MARF1: variants seen among roughly 807,000 people sequenced by gnomAD.
MARF1 encodes meiosis regulator and mRNA stability factor 1.
Under a neutral mutation model 168.2 loss-of-function variants are expected in MARF1, and 24 were observed. That is an observed-to-expected ratio of 0.14 (90% CI 0.10 to 0.20). The LOEUF (loss-of-function observed/expected upper bound fraction) is 0.20. Ranked by LOEUF, MARF1 falls within the 10% of genes least tolerant of loss-of-function variation. The pLI, the probability that MARF1 is intolerant of heterozygous loss-of-function variation, is 1.00. For missense variants in MARF1, 1,744 were observed against 2,143.6 expected (o/e 0.81, Z 3.68); for synonymous variants, 868 against 822.4 (o/e 1.06, Z -0.95).
Position 15,636,299 on chromosome 16 carries a change from T to C in MARF1, c.188A>G (p.Asp63Gly). 6.3e-7 allele frequency: 1 copy of C among 1,583,112 alleles called. No homozygotes were observed. Among genetic ancestry groups the C allele is most frequent in the Non-Finnish European group, 8.6e-7 (1 of 1,163,416 alleles). The change falls in exon 3 of 27, where the codon GAT becomes GGT. Residue 63 changes from aspartate (D) to glycine (G), a missense_variant. By Grantham distance (94) the Asp-to-Gly change is moderately conservative. Around this residue, in one of 7 missense-constraint regions of MARF1, gnomAD observed 318 missense variants for 336.6 expected, o/e 0.94. Coordinates refer to ENST00000396368, the MANE Select transcript of MARF1 (RefSeq NM_014647.4). ...GCCAGCATGAAGGGGTGATGGTACA[T>C]CCTTTAGTTCCACAGCAACTTTCTT... ...ENKKVAVELK[D>G]VPSPLHAGSK...
Position 15,596,885 on chromosome 16 carries a change from C to T in MARF1, c.5037G>A (p.Lys1679=), listed in dbSNP as rs1336380195. The part of the protein sequence containing the change: ...EEKMEIPIPG[K]SKTLTSDSSS... ...TGGAGTCAGAGGTCAGAGTTTTGCTCTTTCCTGGTATTGGAATCTCCATTT... is the reference window on the plus strand; with the variant it reads ...TGGAGTCAGAGGTCAGAGTTTTGCTTTTTCCTGGTATTGGAATCTCCATTT... Residue 1679 remains lysine, a synonymous_variant, in exon 27 of 27, where the codon AAG becomes AAA. Coordinates refer to ENST00000396368, the MANE Select transcript of MARF1 (RefSeq NM_014647.4). The T allele has an allele frequency of 6.2e-7, 1 of 1,613,480 alleles. No homozygotes were observed. The highest frequency in any genetic ancestry group is 1.7e-5 in the Admixed American group (1 of 59,966).
chr16:15,631,362 C>G lies in MARF1; in HGVS notation c.1351+19G>C, dbSNP rs1204832835. On this transcript the variant is annotated intron_variant, in intron 6 of 26. Transcript: ENST00000396368. ...ACACAGTGAGTTTAGCTGAAATTAG[C>G]AGATGTTTCTGTACTTACTTGACAC... is the stretch of plus-strand genomic sequence containing the variant. 1 of 1,512,564 alleles carries G rather than the reference C, an allele frequency of 6.6e-7. No homozygotes were observed. Among genetic ancestry groups the G allele is most frequent in the Non-Finnish European group, 9.2e-7 (1 of 1,089,814 alleles). 93.7% of individuals were successfully genotyped at this position (1,512,564 alleles called of 1,614,324 possible).
Position 15,635,929 on chromosome 16 carries a change from A to C in MARF1, c.558T>G (p.Ser186=). 1 of 1,614,168 alleles carries C rather than the reference A, an allele frequency of 6.2e-7. No individual in the cohort carries two copies. Among genetic ancestry groups the C allele is most frequent in the Non-Finnish European group, 8.5e-7 (1 of 1,180,036 alleles). ...FPSMCLESNL[S]SCKHLPCCGK... ...CACAACAGGGCAGGTGTTTGCAGGA[A>C]GACAGGTTACTCTCTAGACACATGC... The change falls in exon 3 of 27, where the codon TCT becomes TCG. Residue 186 remains serine, a synonymous_variant. Coordinates refer to ENST00000396368, the MANE Select transcript of MARF1 (RefSeq NM_014647.4).
chr16:15,627,903 AC>A (rs1217889435), intron 7 of MARF1, among the ~76,000 whole-genome samples: 3 of 152,176 alleles, frequency 2.0e-5, no homozygotes, highest in Non-Finnish European at 2.9e-5. Context: ...GTAAATTAGT[AC>A]CACCTTCCTG....
chr16:15,614,798 A>T (rs1271721704), intron 16 of MARF1, among the ~76,000 whole-genome samples: 1 of 152,012 alleles, frequency 6.6e-6, no homozygotes, highest in Non-Finnish European at 1.5e-5. Flanking sequence ...GTCTCAAAAA[A>T]AAAAAGACAG....
intron 11 of MARF1, among the ~76,000 whole-genome samples, chr16:15,622,575 A>T (rs1000078932): frequency 6.6e-6 from 1 of 152,020 alleles, no homozygotes; most frequent in Non-Finnish European, 1.5e-5. Flanking sequence ...TTTAGTAGAG[A>T]CGGGGTTTCA....
rs2031707499 is a variant in MARF1 at position 15,596,568 on chromosome 16, G to GT, written c.*124dup. 2 of 913,546 alleles carry GT rather than the reference G, an allele frequency of 2.2e-6. No homozygotes were observed. Among genetic ancestry groups the GT allele is most frequent in the East Asian group, 2.7e-5 (1 of 37,310 alleles). The allele number at this position is 913,546 out of a possible 1,614,324, so 56.6% of individuals were successfully genotyped here. ...AAAAGAAAAACATGATAGAACACAG[G>GT]TAAGATGAAGTCAATGGCTTCGGGG... On this transcript the variant is annotated 3_prime_UTR_variant, in exon 27 of 27. Transcript: ENST00000396368.
chr16:15,628,660 C>T (rs1419004317), intron 7 of MARF1, among the ~76,000 whole-genome samples: 1 of 152,122 alleles, frequency 6.6e-6, no homozygotes, highest in African/African-American at 2.4e-5. Flanking sequence ...TGGTGATCTG[C>T]CCACCTCAGC....
intron 13 of MARF1, among the ~76,000 whole-genome samples, chr16:15,618,840 A>G (rs906342384): frequency 1.3e-5 from 2 of 152,168 alleles, no homozygotes; most frequent in Non-Finnish European, 2.9e-5. Flanking sequence ...GTCCAAAACC[A>G]AGACCAAAAA....
chr16:15,637,916 C>T (rs1274167855), intron 2 of MARF1, among the ~76,000 whole-genome samples: 2 of 152,150 alleles, frequency 1.3e-5, no homozygotes, highest in African/African-American at 2.4e-5. Flanking sequence ...GCCTGTAATC[C>T]TAGCACTTGG....
chr16:15,622,782 A>G (rs2151196007), intron 11 of MARF1, 152 bp downstream of exon 11: 1 of 539,902 alleles, frequency 1.9e-6, no homozygotes, highest in South Asian at 3.7e-5. Context: ...TTATAGCACC[A>G]CCCTGAGCAG....
chr16:15,612,773 A>C lies in MARF1; in HGVS notation c.3258T>G (p.Pro1086=). Reference sequence around the variant, plus strand: ...CAGGACTCTTCGAACGCAGAAGCCAAGGGTCTAGAAGAAAAAGAACGTGTA... The same window carrying C: ...CAGGACTCTTCGAACGCAGAAGCCACGGGTCTAGAAGAAAAAGAACGTGTA... ...HNKPPPPNTD[P]WLLRSKSPVG... is the part of the protein sequence containing the mutation. Residue 1086 remains proline (P), a synonymous_variant, in exon 17 of 27, where the codon CCT becomes CCG. Transcript: ENST00000396368. 6.2e-7 allele frequency: 1 copy of C among 1,613,656 alleles called. No individual in the cohort carries two copies. The highest frequency in any genetic ancestry group is 8.5e-7 in the Non-Finnish European group (1 of 1,179,594).
At chr16:15,627,021 A>AAGAG (rs61380767) in intron 7 of MARF1, among the ~76,000 whole-genome samples, 6 of 149,924 alleles carry the variant, frequency 4.0e-5, no homozygotes, top group Non-Finnish European at 5.9e-5. Context: ...AAAGAAAGAA[A>AAGAG]AGAGAGAGAG....
At chr16:15,613,390 C>G (rs2033744470) in intron 16 of MARF1, among the ~76,000 whole-genome samples, 1 of 152,118 alleles carries the variant, frequency 6.6e-6, no homozygotes, top group African/African-American at 2.4e-5. Flanking sequence ...CGGCTCATGC[C>G]TGTAATCCCA....
intron 10 of MARF1, among the ~76,000 whole-genome samples, chr16:15,623,560 C>T (rs775650544): frequency 2.6e-5 from 4 of 152,094 alleles, no homozygotes; most frequent in Non-Finnish European, 5.9e-5. Flanking sequence ...GGATTACAGG[C>T]GTGAGCCACT....
At chr16:15,605,427 G>A (rs2032922998) in intron 21 of MARF1, among the ~76,000 whole-genome samples, 1 of 152,072 alleles carries the variant, frequency 6.6e-6, no homozygotes, top group African/African-American at 2.4e-5. Context: ...AAGGCAGGAG[G>A]GAGGCTGGCA....
chr16:15,597,542 C>G (rs569400034), intron 26 of MARF1, among the ~76,000 whole-genome samples: 1 of 152,228 alleles, frequency 6.6e-6, no homozygotes, highest in Non-Finnish European at 1.5e-5. Flanking sequence ...ACCTGCTCTA[C>G]ACACAGGGCC....
intron 5 of MARF1, among the ~76,000 whole-genome samples, chr16:15,632,386 G>C (rs1352492379): frequency 6.6e-6 from 1 of 151,968 alleles, no homozygotes. Context: ...GTTTTGTTTT[G>C]GGCTTTTAGC....
Position 15,599,043 on chromosome 16 carries a change from C to T in MARF1, c.4814-19G>A, listed in dbSNP as rs751065208. 18 of 1,604,470 alleles carry T rather than the reference C, an allele frequency of 1.1e-5. No homozygotes were observed. The highest frequency in any genetic ancestry group is 1.7e-5 in the Admixed American group (1 of 57,994). ...CTGGGCCCTGGGCAAACAAGGAGGGCCGTGACACCACAGGACCTCCACGCC... is the reference window on the plus strand; with the variant it reads ...CTGGGCCCTGGGCAAACAAGGAGGGTCGTGACACCACAGGACCTCCACGCC... On this transcript the variant is annotated intron_variant, in intron 25 of 26. Transcript: ENST00000396368.
Sources: allele counts gnomAD v4.1 joint callset (sites outside exome capture counted in the v4.1 genomes callset), GRCh38; gene constraint gnomAD v4.1.1; regional missense constraint gnomAD v4.1.1; transcripts MANE v1.5; gene names NCBI Gene and HGNC (gene_info 2026-07-23, HGNC 2026-07-21).